MEIKIN: variants seen among roughly 807,000 people sequenced by gnomAD.
MEIKIN encodes the protein meiosis-specific kinetochore protein.
intron 8 of MEIKIN, among the ~76,000 whole-genome samples, chr5:131,890,424 C>T: frequency 6.6e-6 from 1 of 152,120 alleles, no homozygotes; most frequent in East Asian, 1.9e-4. Context: ...CTGGTTTAGT[C>T]TTGGGAGGGT....
chr5:131,861,369 C>A (rs931314041), intron 9 of MEIKIN, among the ~76,000 whole-genome samples: 3 of 151,962 alleles, frequency 2.0e-5, no homozygotes, highest in Non-Finnish European at 2.9e-5. Context: ...ACCTGGGCAA[C>A]AGAGAGAGAC....
intron 9 of MEIKIN, among the ~76,000 whole-genome samples, chr5:131,873,470 C>T (rs937840906): frequency 6.6e-6 from 1 of 152,096 alleles, no homozygotes; most frequent in Non-Finnish European, 1.5e-5. Context: ...ATATATGCAC[C>T]CAATATAGGA....
intron 11 of MEIKIN, among the ~76,000 whole-genome samples, chr5:131,821,656 T>TTTTTTTTG (rs1749507835): frequency 1.4e-5 from 2 of 142,668 alleles, no homozygotes; most frequent in African/African-American, 5.6e-5. Flanking sequence ...TTTTTTTTTT[T>TTTTTTTTG]GCGAGACAAG....
At chr5:131,923,989 C>G (rs931605759) in intron 5 of MEIKIN, among the ~76,000 whole-genome samples, 5 of 152,104 alleles carry the variant, frequency 3.3e-5, no homozygotes, top group African/African-American at 1.2e-4. Context: ...CCCAATTTTC[C>G]TTTCCTGCCA....
chr5:131,890,931 G>C (rs1049555938), intron 8 of MEIKIN, among the ~76,000 whole-genome samples: 4 of 152,048 alleles, frequency 2.6e-5, no homozygotes, highest in African/African-American at 9.7e-5. Context: ...TGTTCTCATT[G>C]GTTTCAAAGA....
chr5:131,864,539 T>A (rs10043605), intron 9 of MEIKIN, among the ~76,000 whole-genome samples: 2,898 of 152,352 alleles, frequency 0.019, 45 homozygotes, highest in Middle Eastern at 0.078. Flanking sequence ...GCACTTTGAA[T>A]ATATCATATC....
At chr5:131,810,329 A>T (rs193145429) in intron 12 of MEIKIN, among the ~76,000 whole-genome samples, 1,837 of 150,956 alleles carry the variant, frequency 0.012, 14 homozygotes, top group Non-Finnish European at 0.021. Context: ...AAAATAGAAT[A>T]AAAAAAAATC....
chr5:131,883,814 C>G (rs1750734561), intron 8 of MEIKIN, among the ~76,000 whole-genome samples: 1 of 152,188 alleles, frequency 6.6e-6, no homozygotes, highest in African/African-American at 2.4e-5. Context: ...CTTCATCCCC[C>G]CACAGCAGCC....
chr5:131,945,570 G>T lies in MEIKIN; in HGVS notation c.-65C>A. On this transcript the variant is annotated 5_prime_UTR_variant, in exon 1 of 13. Transcript: ENST00000442687. The stretch of plus-strand genomic sequence containing the variant: ...ACTCTCGATGGCCTGCCTTCCTGAG[G>T]ATCAGGGCTAAGTCACAGGGAGTCA... 1 of 400,042 alleles carries T rather than the reference G, an allele frequency of 2.5e-6. No homozygotes were observed. 24.8% of individuals were successfully genotyped at this position (400,042 alleles called of 1,614,324 possible). A position where few individuals can be genotyped will look rare whatever the true frequency, so the allele number is the denominator to read the frequency against.
chr5:131,871,045 A>C (rs1750482585), intron 9 of MEIKIN, among the ~76,000 whole-genome samples: 1 of 152,254 alleles, frequency 6.6e-6, no homozygotes, highest in Admixed American at 6.5e-5. Flanking sequence ...GAATAGGAAC[A>C]GCTCAGGTCT....
At chr5:131,944,627 CTAAG>C (rs1751930616) in intron 3 of MEIKIN, 34 bp downstream of exon 3, 1 of 398,902 alleles carries the variant, frequency 2.5e-6, no homozygotes, top group African/African-American at 2.1e-5. Flanking sequence ...AGTCTCTACA[CTAAG>C]TGTGTCCAAG....
At chr5:131,880,196 TCTC>T (rs1238610128) in intron 8 of MEIKIN, among the ~76,000 whole-genome samples, 1 of 151,956 alleles carries the variant, frequency 6.6e-6, no homozygotes, top group African/African-American at 2.4e-5. Context: ...TTCAAGCGAT[TCTC>T]CTGTCTCAGC....
At chr5:131,814,540 G>A (rs1398229356) in intron 12 of MEIKIN, among the ~76,000 whole-genome samples, 1 of 152,052 alleles carries the variant, frequency 6.6e-6, no homozygotes, top group East Asian at 1.9e-4. Context: ...ACCTCCCAAA[G>A]CGGTGGGATT....
intron 9 of MEIKIN, among the ~76,000 whole-genome samples, chr5:131,869,211 C>A (rs570214715): frequency 9.2e-5 from 14 of 152,326 alleles, no homozygotes; most frequent in Non-Finnish European, 2.1e-4. Flanking sequence ...TCCAGTTATT[C>A]AAGCACCATT....
rs538325217 is a variant in MEIKIN, at chr5:131,914,770, A to G, written c.638+2116T>C. Among the ~76,000 whole-genome samples, 18 of 152,110 alleles carry G rather than the reference A, an allele frequency of 1.2e-4. 1 individual carries two copies. Among genetic ancestry groups the G allele is most frequent in the Non-Finnish European group, 2.4e-4 (16 of 68,008 alleles). ...CTCTCCTCCACACCTTCCAGTCTAG[A>G]GCATTATTAGAAAGAGAAGGGGGAC... On this transcript the variant is annotated intron_variant, in intron 7 of 12. Coordinates refer to ENST00000442687, the MANE Select transcript of MEIKIN (RefSeq NM_001303622.2).
At chr5:131,915,151 G>A (rs1751397874) in intron 7 of MEIKIN, among the ~76,000 whole-genome samples, 1 of 152,172 alleles carries the variant, frequency 6.6e-6, no homozygotes, top group African/African-American at 2.4e-5. Context: ...GTGTTCTGTG[G>A]TGAAGTGACT....
chr5:131,892,898 G>A (rs1388522232), intron 8 of MEIKIN, among the ~76,000 whole-genome samples: 1 of 152,026 alleles, frequency 6.6e-6, no homozygotes, highest in African/African-American at 2.4e-5. Flanking sequence ...TTTTTGGTGC[G>A]GATGTCCTTA....
chr5:131,906,460 T>C (rs749112730), intron 8 of MEIKIN, among the ~76,000 whole-genome samples: 17 of 152,214 alleles, frequency 1.1e-4, no homozygotes, highest in Admixed American at 3.9e-4. Flanking sequence ...AGTGTGGTAA[T>C]TCCTCGAACA....
At chr5:131,850,378 C>T (rs1750091121) in intron 11 of MEIKIN, among the ~76,000 whole-genome samples, 1 of 151,948 alleles carries the variant, frequency 6.6e-6, no homozygotes, top group African/African-American at 2.4e-5. Context: ...ATAGTAAAAA[C>T]AAAAATGAAA....
Sources: allele counts gnomAD v4.1 joint callset (sites outside exome capture counted in the v4.1 genomes callset), GRCh38; gene constraint gnomAD v4.1.1; transcripts MANE v1.5; gene names NCBI Gene and HGNC (gene_info 2026-07-23, HGNC 2026-07-21).